Variants in NSL1 observed in about 807,000 individuals in gnomAD.
NSL1 encodes the protein NSL1 component of MIS12 kinetochore complex.
NSL1 carries 11 observed loss-of-function variants against 25.4 expected under a neutral mutation model. The ratio of observed to expected loss-of-function variants is 0.43; its 90% confidence interval spans 0.27 to 0.72. NSL1 has a LOEUF of 0.72. NSL1 is among the 30% of genes least tolerant of loss of function. The probability of loss-of-function intolerance (pLI) is 0.19; values close to 1 mark genes in which losing one functional copy is unlikely to be tolerated. For missense variants in NSL1, 330 were observed against 342.7 expected, an observed-to-expected ratio of 0.96 and a Z score of 0.29; for synonymous variants, 118 against 120.6, an observed-to-expected ratio of 0.98 and a Z score of 0.14.
At position 212,730,191 on chromosome 1, in the gene NSL1, AGT is replaced by A. The variant is rs1368880109; in HGVS notation, c.*8215_*8216del. 1.1e-6 allele frequency: 1 copy of A among 938,922 alleles called. No individual in the cohort carries two copies. The highest frequency in any genetic ancestry group is 1.2e-6 in the Non-Finnish European group (1 of 804,428). 58.2% of individuals were successfully genotyped at this position (938,922 alleles called of 1,614,324 possible). A position where few individuals can be genotyped will look rare whatever the true frequency, so the allele number is the denominator to read the frequency against. ...CTTGAACCTGGGAGGTGGAGGTTGC[AGT>A]GAGTTGAGATCGCTCCACTACACTC... On this transcript the variant is annotated 3_prime_UTR_variant, in exon 6 of 6. Transcript: ENST00000366977.
intron 4 of NSL1, among the ~76,000 whole-genome samples, chr1:212,777,415 A>G (rs113199277): frequency 3.3e-5 from 5 of 152,254 alleles, no homozygotes; most frequent in African/African-American, 1.2e-4. Context: ...GAAAAAAAGG[A>G]ACAATCTAAG....
chr1:212,787,154 T>G (rs1423189825), intron 2 of NSL1, among the ~76,000 whole-genome samples: 3 of 145,008 alleles, frequency 2.1e-5, no homozygotes, highest in Non-Finnish European at 3.0e-5. Flanking sequence ...CAGTGAGACT[T>G]CATCTCAAAA....
At chr1:212,776,376 T>A (rs1235488769) in intron 4 of NSL1, among the ~76,000 whole-genome samples, 1 of 150,496 alleles carries the variant, frequency 6.6e-6, no homozygotes, top group Non-Finnish European at 1.5e-5. Context: ...AAAAAAATAA[T>A]AAATAATAAT....
chr1:212,759,090 ACT>A (rs1659441422), intron 4 of NSL1, among the ~76,000 whole-genome samples: 2 of 152,226 alleles, frequency 1.3e-5, no homozygotes, highest in South Asian at 2.1e-4. Context: ...AAGGTGGAAA[ACT>A]CTTAGGAGAA....
chr1:212,728,762 A>C lies in NSL1; in HGVS notation c.*9646T>G. 1.0e-6 allele frequency: 1 copy of C among 985,426 alleles called. No homozygotes were observed. Among genetic ancestry groups the C allele is most frequent in the South Asian group, 4.7e-5 (1 of 21,284 alleles). 61.0% of individuals were successfully genotyped at this position (985,426 alleles called of 1,614,324 possible). A position where few individuals can be genotyped will look rare whatever the true frequency, so the allele number is the denominator to read the frequency against. ...CCTGATCACCGTCCCCTTTGTTGCC[A>C]CATCTCGCAGCTTCTCCCTTCTGTT... is the stretch of plus-strand genomic sequence containing the variant. On this transcript the variant is annotated 3_prime_UTR_variant, in exon 6 of 6. Coordinates refer to ENST00000366977, the MANE Select transcript of NSL1 (RefSeq NM_015471.4).
intron 4 of NSL1, among the ~76,000 whole-genome samples, chr1:212,776,752 A>C (rs1453169682): frequency 1.3e-5 from 2 of 151,822 alleles, no homozygotes; most frequent in African/African-American, 4.8e-5. Flanking sequence ...AAAAACCAAC[A>C]ACAACAAAAA....
chr1:212,779,150 G>A (rs1051189368), intron 4 of NSL1, among the ~76,000 whole-genome samples: 2 of 151,114 alleles, frequency 1.3e-5, no homozygotes, highest in African/African-American at 4.9e-5. Context: ...GAGAAATGAG[G>A]AGCCCCTCCG....
chr1:212,752,315 A>G (rs1022680536), intron 4 of NSL1, among the ~76,000 whole-genome samples: 3 of 152,188 alleles, frequency 2.0e-5, no homozygotes, highest in African/African-American at 7.2e-5. Flanking sequence ...TCAGACTTAC[A>G]TGAATTTTTA....
At chr1:212,746,504 T>C (rs1226170718) in intron 4 of NSL1, among the ~76,000 whole-genome samples, 6 of 152,122 alleles carry the variant, frequency 3.9e-5, no homozygotes, top group African/African-American at 9.7e-5. Flanking sequence ...TAAAAAAGTA[T>C]AGAAAACAAA....
rs1438142727 is a variant in NSL1 at position 212,726,214 on chromosome 1, G to T, written c.*12194C>A. On this transcript the variant is annotated 3_prime_UTR_variant, in exon 6 of 6. Coordinates refer to ENST00000366977, the MANE Select transcript of NSL1 (RefSeq NM_015471.4). ...AATGCAGCCTCTCACATCAGTGGGG[G>T]AAAAGAGGTACTATTCAATAAATGG... is the stretch of plus-strand genomic sequence containing the variant. 1 of 152,178 alleles carries T rather than the reference G, an allele frequency of 6.6e-6. No homozygotes were observed. The highest frequency in any genetic ancestry group is 1.5e-5 in the Non-Finnish European group (1 of 68,048). The allele number at this position is 152,178 out of a possible 1,614,324, so 9.4% of individuals were successfully genotyped here.
In NSL1 at chr1:212,782,396, C is replaced by T; in HGVS notation, c.475G>A (p.Asp159Asn). The change falls in exon 4 of 6, where the codon GAC becomes AAC. Residue 159 changes from aspartate (D) to asparagine (N), a missense_variant. Coordinates refer to ENST00000366977, the MANE Select transcript of NSL1 (RefSeq NM_015471.4). Reference protein sequence around the residue: ...KQYHPVVHPLDLKYDPDPAPH... With the variant: ...KQYHPVVHPLNLKYDPDPAPH... ...CCTGGATCAGGGTCATATTTTAGGT[C>T]CAGTGGATGTACAACAGGGTGGTAC... 6.2e-7 allele frequency: 1 copy of T among 1,611,494 alleles called. No individual in the cohort carries two copies. The highest frequency in any genetic ancestry group is 8.5e-7 in the Non-Finnish European group (1 of 1,177,680).
At chr1:212,754,724 C>T (rs1659220179) in intron 4 of NSL1, among the ~76,000 whole-genome samples, 1 of 128,998 alleles carries the variant, frequency 7.8e-6, no homozygotes, top group Admixed American at 8.7e-5. Context: ...TTGCAGTGAG[C>T]AACCATTACA....
intron 2 of NSL1, among the ~76,000 whole-genome samples, chr1:212,784,805 A>G (rs1210353530): frequency 6.6e-6 from 1 of 152,246 alleles, no homozygotes; most frequent in Non-Finnish European, 1.5e-5. Flanking sequence ...TGATAAGTGC[A>G]ATAGAGGTAT....
At chr1:212,744,922 TG>T (rs1360102452) in intron 4 of NSL1, among the ~76,000 whole-genome samples, 1 of 152,028 alleles carries the variant, frequency 6.6e-6, no homozygotes, top group Non-Finnish European at 1.5e-5. Flanking sequence ...CCGGATCACG[TG>T]AAGTCAGGAG....
chr1:212,791,046 C>A (rs373001055), intron 1 of NSL1, among the ~76,000 whole-genome samples: 1 of 152,142 alleles, frequency 6.6e-6, no homozygotes, highest in Non-Finnish European at 1.5e-5. Context: ...TCATTGTCTG[C>A]GGCTGCATTG....
chr1:212,790,186 T>TGTA (rs1661133603), intron 1 of NSL1, among the ~76,000 whole-genome samples: 1 of 152,022 alleles, frequency 6.6e-6, no homozygotes, highest in South Asian at 2.1e-4. Flanking sequence ...GCTAATTTTT[T>TGTA]GTATTATTAT....
intron 4 of NSL1, among the ~76,000 whole-genome samples, chr1:212,740,479 G>C (rs1307356745): frequency 8.1e-6 from 1 of 122,778 alleles, no homozygotes; most frequent in Non-Finnish European, 2.0e-5. Flanking sequence ...CTCAGAAAAG[G>C]GTTTTTTTTT....
rs1658030680 is a variant in NSL1, at chr1:212,731,919, C to T, written c.*6489G>A. On this transcript the variant is annotated 3_prime_UTR_variant, in exon 6 of 6. Coordinates refer to ENST00000366977, the MANE Select transcript of NSL1 (RefSeq NM_015471.4). ...CCCCAGGACCCAGCAGCTATAAGGGCCTCCACACCCCACCTTACTGCTTTA... is the reference window on the plus strand; with the variant it reads ...CCCCAGGACCCAGCAGCTATAAGGGTCTCCACACCCCACCTTACTGCTTTA... 2.0e-6 allele frequency: 2 copies of T among 985,324 alleles called. No individual in the cohort carries two copies. Among genetic ancestry groups the T allele is most frequent in the Non-Finnish European group, 1.2e-6 (1 of 829,940 alleles). 61.0% of individuals were successfully genotyped at this position (985,324 alleles called of 1,614,324 possible). A position where few individuals can be genotyped will look rare whatever the true frequency, so the allele number is the denominator to read the frequency against.
chr1:212,751,533 C>G (rs1484719923), intron 4 of NSL1, among the ~76,000 whole-genome samples: 1 of 152,108 alleles, frequency 6.6e-6, no homozygotes, highest in Non-Finnish European at 1.5e-5. Flanking sequence ...AAGTTAGCTT[C>G]AACATAATGA....
Sources: gnomAD v4.1 joint callset for allele counts (sites outside exome capture counted in the v4.1 genomes callset) on GRCh38, gnomAD v4.1.1 for gene constraint, MANE v1.5 for transcripts, NCBI Gene and HGNC (gene_info 2026-07-23, HGNC 2026-07-21) for gene names.